Variants in RFESD observed in about 807,000 individuals in gnomAD.
The protein encoded by RFESD is Rieske Fe-S domain containing.
RFESD carries 16 observed loss-of-function variants against 24.4 expected under a neutral mutation model. That is an observed-to-expected ratio of 0.66 (90% CI 0.44 to 1.00). The LOEUF (loss-of-function observed/expected upper bound fraction) is 1.00, where lower values mean the gene tolerates loss of function less well. RFESD is among the 50% of genes least tolerant of loss of function. The pLI is 0.00. For missense variants in RFESD, 208 were observed against 247.0 expected, an observed-to-expected ratio of 0.84 and a Z score of 1.06; for synonymous variants, 59 against 81.8, an observed-to-expected ratio of 0.72 and a Z score of 1.50.
chr5:95,654,680 A>G (rs913034237), intron 5 of RFESD, among the ~76,000 whole-genome samples: 3 of 152,212 alleles, frequency 2.0e-5, no homozygotes, highest in African/African-American at 4.8e-5. Flanking sequence ...AAATTATGAT[A>G]CAGCCATGCT....
Position 95,654,374 on chromosome 5 carries a change from A to T in RFESD, c.369+7A>T. 1.3e-6 allele frequency: 2 copies of T among 1,570,188 alleles called. No individual in the cohort carries two copies. The highest frequency in any genetic ancestry group is 1.7e-6 in the Non-Finnish European group (2 of 1,152,672). On this transcript the variant is annotated splice_region_variant and intron_variant, in intron 5 of 5. Coordinates refer to ENST00000380005, the MANE Select transcript of RFESD (RefSeq NM_001131066.2). ...ACATTTGGGAGATATAGAGGTATGT[A>T]AAATTAAATTTATTTTCAGCAAATT...
intron 5 of RFESD, among the ~76,000 whole-genome samples, chr5:95,654,681 C>T (rs1357646837): frequency 2.0e-5 from 3 of 152,054 alleles, no homozygotes; most frequent in African/African-American, 4.8e-5. Context: ...AATTATGATA[C>T]AGCCATGCTG....
Position 95,655,170 on chromosome 5 carries a change from AT to A in RFESD, c.369+809del, listed in dbSNP as rs138116395. ...GAACGTATGTGTGTTTATTTTTTCTATTTTTTCCCATTGTCCAAACCCACAT... is the reference window on the plus strand; with the variant it reads ...GAACGTATGTGTGTTTATTTTTTCTATTTTTCCCATTGTCCAAACCCACAT... On this transcript the variant is annotated intron_variant, in intron 5 of 5. Coordinates refer to ENST00000380005, the MANE Select transcript of RFESD (RefSeq NM_001131066.2). Among the ~76,000 whole-genome samples, 392 of 152,080 alleles carry A rather than the reference AT, an allele frequency of 2.6e-3. 2 individuals carry two copies. The highest frequency in any genetic ancestry group is 8.7e-3 in the African/African-American group (363 of 41,486).
intron 1 of RFESD, among the ~76,000 whole-genome samples, chr5:95,648,871 C>G (rs1005557653): frequency 8.0e-6 from 1 of 125,750 alleles, no homozygotes; most frequent in African/African-American, 2.9e-5. Flanking sequence ...TCTTGTATTT[C>G]GTTACTTTTT....
At chr5:95,651,097 C>CAA (rs1006612798) in intron 1 of RFESD, among the ~76,000 whole-genome samples, 1,857 of 46,906 alleles carry the variant, frequency 0.04, 136 homozygotes, top group African/African-American at 0.13. Flanking sequence ...GACTCCGTCT[C>CAA]AAAAAAAAAA....
In RFESD at chr5:95,657,095, C is replaced by T. The variant is rs1261467646; in HGVS notation, c.*786C>T. 1 of 152,100 alleles carries T rather than the reference C, an allele frequency of 6.6e-6. No homozygotes were observed. Among genetic ancestry groups the T allele is most frequent in the Non-Finnish European group, 1.5e-5 (1 of 67,990 alleles). The allele number at this position is 152,100 out of a possible 1,614,324, so 9.4% of individuals were successfully genotyped here. ...GTCTCCTATTCAGTGAGCCAATGTT[C>T]TTTGAATGCCTATATGAAATTTTCA... On this transcript the variant is annotated 3_prime_UTR_variant, in exon 6 of 6. Coordinates refer to ENST00000380005, the MANE Select transcript of RFESD (RefSeq NM_001131066.2).
chr5:95,653,922 T>A (rs1300699808), intron 3 of RFESD, 139 bp from the exon 4 acceptor site: 5 of 610,524 alleles, frequency 8.2e-6, no homozygotes, highest in Non-Finnish European at 1.4e-5. Flanking sequence ...CTAGTATTTA[T>A]AAATGTTTTA....
intron 1 of RFESD, among the ~76,000 whole-genome samples, chr5:95,649,949 C>A (rs967113621): frequency 4.6e-5 from 7 of 152,024 alleles, no homozygotes; most frequent in African/African-American, 1.5e-4. Flanking sequence ...TCTTATTACC[C>A]CTCTGTTCTG....
chr5:95,649,909 T>G (rs1463225143), intron 1 of RFESD, among the ~76,000 whole-genome samples: 1 of 152,236 alleles, frequency 6.6e-6, no homozygotes, highest in Non-Finnish European at 1.5e-5. Context: ...TCCCCTTATT[T>G]CAGTTCATTC....
intron 5 of RFESD, 72 bp from the exon 6 acceptor site, chr5:95,655,974 C>T: frequency 7.2e-7 from 1 of 1,387,300 alleles, no homozygotes; most frequent in South Asian, 1.3e-5. Context: ...GGTTCTTCTG[C>T]AGCAGACTCT....
chr5:95,650,092 C>T (rs1264532362), intron 1 of RFESD, among the ~76,000 whole-genome samples: 1 of 152,204 alleles, frequency 6.6e-6, no homozygotes, highest in African/African-American at 2.4e-5. Flanking sequence ...TTCTTGCCTC[C>T]TATCAGCCAT....
chr5:95,647,510 C>G (rs560039339), intron 1 of RFESD: 1 of 152,320 alleles, frequency 6.6e-6, no homozygotes, highest in Admixed American at 6.5e-5. Flanking sequence ...AGGTCTAGCT[C>G]ACTCGTGATC....
intron 1 of RFESD, among the ~76,000 whole-genome samples, chr5:95,650,794 C>G (rs1194727948): frequency 6.6e-6 from 1 of 152,060 alleles, no homozygotes; most frequent in Non-Finnish European, 1.5e-5. Flanking sequence ...GGTACAAATG[C>G]CTTCTTTAAA....
chr5:95,653,736 A>G (rs1339739827), intron 3 of RFESD, among the ~76,000 whole-genome samples: 1 of 152,124 alleles, frequency 6.6e-6, no homozygotes, highest in Admixed American at 6.5e-5. Context: ...TGTCTCTACT[A>G]AAAATACAAA....
intron 5 of RFESD, 104 bp downstream of exon 5, chr5:95,654,471 C>A: frequency 1.3e-6 from 1 of 760,074 alleles, no homozygotes; most frequent in Non-Finnish European, 2.1e-6. Context: ...AATATAATTC[C>A]AAGTATTCTG....
intron 1 of RFESD, chr5:95,647,577 A>G (rs1483955231): frequency 6.6e-6 from 1 of 152,142 alleles, no homozygotes; most frequent in Non-Finnish European, 1.5e-5. Context: ...GACTTTATAT[A>G]AAATTATTGG....
chr5:95,651,759 T>C (rs944083912), intron 1 of RFESD, among the ~76,000 whole-genome samples: 2 of 152,166 alleles, frequency 1.3e-5, no homozygotes, highest in African/African-American at 4.8e-5. Flanking sequence ...AAAAATAATA[T>C]TGAGATATTT....
intron 1 of RFESD, among the ~76,000 whole-genome samples, chr5:95,651,780 AT>A (rs945800950): frequency 6.6e-6 from 1 of 152,084 alleles, no homozygotes; most frequent in Admixed American, 6.5e-5. Flanking sequence ...CTTAGTCTTG[AT>A]TTTTTTCCCA....
chr5:95,650,794 C>T (rs1194727948), intron 1 of RFESD, among the ~76,000 whole-genome samples: 1 of 152,060 alleles, frequency 6.6e-6, no homozygotes, highest in Non-Finnish European at 1.5e-5. Flanking sequence ...GGTACAAATG[C>T]CTTCTTTAAA....
Sources: allele counts gnomAD v4.1 joint callset (sites outside exome capture counted in the v4.1 genomes callset), GRCh38; gene constraint gnomAD v4.1.1; transcripts MANE v1.5; gene names NCBI Gene and HGNC (gene_info 2026-07-23, HGNC 2026-07-21).